Variants in PIK3C2G observed in about 807,000 individuals in gnomAD.
PIK3C2G encodes the protein phosphatidylinositol 3-kinase C2 domain-containing subunit gamma.
Under a neutral mutation model 181.1 loss-of-function variants are expected in PIK3C2G, and 168 were observed. The ratio of observed to expected loss-of-function variants is 0.93; its 90% confidence interval spans 0.82 to 1.05. PIK3C2G has a LOEUF of 1.05. PIK3C2G is among the 50% of genes least tolerant of loss of function. The pLI, the probability that PIK3C2G is intolerant of heterozygous loss-of-function variation, is 0.00. For synonymous variants in PIK3C2G, 573 were observed against 592.2 expected (o/e 0.97, Z 0.47); for missense variants, 1,869 against 1,732.8 (o/e 1.08, Z -1.40).
chr12:18,307,393 T>G (rs1437292258), intron 5 of PIK3C2G, among the ~76,000 whole-genome samples: 1 of 151,862 alleles, frequency 6.6e-6, no homozygotes, highest in African/African-American at 2.4e-5. Context: ...CTAAACTTTT[T>G]ATTGTATCAC....
the PIK3C2G span, among the ~76,000 whole-genome samples, chr12:18,706,119 G>C: frequency 6.6e-6 from 1 of 151,728 alleles, no homozygotes; most frequent in African/African-American, 2.4e-5. Flanking sequence ...TGTAATCCCA[G>C]TTACCTGGGA....
At chr12:18,326,714 C>G (rs1292102507) in intron 8 of PIK3C2G, among the ~76,000 whole-genome samples, 2 of 151,962 alleles carry the variant, frequency 1.3e-5, no homozygotes, top group Admixed American at 6.6e-5. Flanking sequence ...TTGGTTAGTA[C>G]CTCTAATCAG....
intron 8 of PIK3C2G, among the ~76,000 whole-genome samples, chr12:18,326,354 C>T (rs991303329): frequency 3.3e-5 from 5 of 152,140 alleles, no homozygotes; most frequent in Non-Finnish European, 5.9e-5. Flanking sequence ...AGTCAGGGAA[C>T]ATTTTTTAAA....
At chr12:18,386,774 T>C (rs765789405) in intron 14 of PIK3C2G, among the ~76,000 whole-genome samples, 52 of 152,252 alleles carry the variant, frequency 3.4e-4, no homozygotes, top group Non-Finnish European at 4.7e-4. Context: ...ATTGCTGTTA[T>C]GAACATGTAT....
the PIK3C2G span, among the ~76,000 whole-genome samples, chr12:18,715,056 A>G: frequency 6.6e-6 from 1 of 151,368 alleles, no homozygotes; most frequent in African/African-American, 2.4e-5. Flanking sequence ...CTTTCTAGGG[A>G]GATGACCCAA....
At chr12:18,676,843 A>G in the PIK3C2G span, among the ~76,000 whole-genome samples, 1 of 152,138 alleles carries the variant, frequency 6.6e-6, no homozygotes, top group Non-Finnish European at 1.5e-5. Flanking sequence ...AAACACACAT[A>G]TAAGATTGAT....
chr12:18,399,681 T>C lies in PIK3C2G; in HGVS notation c.2149T>C (p.Tyr717His), dbSNP rs200263951. 600 of 1,572,392 alleles carry C rather than the reference T, an allele frequency of 3.8e-4. 2 individuals carry two copies. Among genetic ancestry groups the C allele is most frequent in the Middle Eastern group, 1.9e-3 (11 of 5,860 alleles). The change falls in exon 16 of 33, where the codon TAT becomes CAT. Residue 717 changes from tyrosine to histidine, a missense_variant. Coordinates refer to ENST00000538779, the MANE Select transcript of PIK3C2G (RefSeq NM_001288772.2). ...CAGACTCTCTGAAGAAAAGAAAAGATATTTATGGTTTTATCGCTTCTACTG... is the reference window on the plus strand; with the variant it reads ...CAGACTCTCTGAAGAAAAGAAAAGACATTTATGGTTTTATCGCTTCTACTG... The part of the protein sequence containing the change: ...PLLLSEEKKR[Y>H]LWFYRFYCNN...
chr12:18,362,246 G>A (rs1941303747), intron 11 of PIK3C2G, among the ~76,000 whole-genome samples: 2 of 152,114 alleles, frequency 1.3e-5, no homozygotes, highest in Non-Finnish European at 2.9e-5. Flanking sequence ...CTAAACTGGT[G>A]ACATTTCCTG....
At chr12:18,577,415 T>C (rs1233724502) in intron 29 of PIK3C2G, among the ~76,000 whole-genome samples, 1 of 152,178 alleles carries the variant, frequency 6.6e-6, no homozygotes, top group African/African-American at 2.4e-5. Context: ...AGGAGAGATG[T>C]TTTCGTCTTG....
chr12:18,284,379 A>G (rs1022888040), intron 2 of PIK3C2G, among the ~76,000 whole-genome samples: 2 of 152,200 alleles, frequency 1.3e-5, no homozygotes, highest in South Asian at 2.1e-4. Context: ...CATAAGGCAA[A>G]TAAGACAAGG....
intron 26 of PIK3C2G, among the ~76,000 whole-genome samples, chr12:18,559,815 TATATATAGAGAGAGAGAG>T (rs1451981774): frequency 1.1e-3 from 27 of 24,472 alleles, no homozygotes; most frequent in African/African-American, 2.3e-3. Flanking sequence ...TATATATATA[TATATATAGAGAGAGAGAG>T]AGAGAGAGAG....
the PIK3C2G span, among the ~76,000 whole-genome samples, chr12:18,667,763 T>G: frequency 2.0e-5 from 3 of 152,308 alleles, no homozygotes; most frequent in Non-Finnish European, 4.4e-5. Context: ...TGAAACTCTA[T>G]AAAGTTAAGA....
chr12:18,599,831 A>C (rs892525839), intron 30 of PIK3C2G, among the ~76,000 whole-genome samples: 2 of 152,008 alleles, frequency 1.3e-5, no homozygotes, highest in African/African-American at 4.8e-5. Flanking sequence ...AGAGGAATTT[A>C]GGCTAAAAAG....
the PIK3C2G span, among the ~76,000 whole-genome samples, chr12:18,655,490 G>T: frequency 6.6e-6 from 1 of 152,146 alleles, no homozygotes; most frequent in Non-Finnish European, 1.5e-5. Context: ...CCTGATAAAA[G>T]GTAGAACATA....
intron 26 of PIK3C2G, among the ~76,000 whole-genome samples, chr12:18,554,521 C>CTCT (rs148072680): frequency 0.045 from 6,790 of 152,050 alleles, 337 homozygotes; most frequent in African/African-American, 0.13. Flanking sequence ...TCATCATGTG[C>CTCT]TTTTTCCATG....
the PIK3C2G span, among the ~76,000 whole-genome samples, chr12:18,685,892 TAA>T: frequency 0.27 from 40,860 of 150,774 alleles, 6,236 homozygotes; most frequent in East Asian, 0.54. Flanking sequence ...GGATTAATTA[TAA>T]GAGAAAGCCC....
At chr12:18,298,408 C>CTTTTTT (rs71061295) in intron 5 of PIK3C2G, among the ~76,000 whole-genome samples, 132 of 138,410 alleles carry the variant, frequency 9.5e-4, no homozygotes, top group African/African-American at 3.4e-3. Context: ...TGTGTTTTTT[C>CTTTTTT]TTTTTTTTTT....
chr12:18,317,360 G>A (rs1163620459), intron 6 of PIK3C2G, among the ~76,000 whole-genome samples: 1 of 151,810 alleles, frequency 6.6e-6, no homozygotes, highest in Non-Finnish European at 1.5e-5. Flanking sequence ...ATTTCAAAGG[G>A]GAAGATATTA....
intron 10 of PIK3C2G, among the ~76,000 whole-genome samples, chr12:18,345,372 T>A (rs1565619885): frequency 6.6e-6 from 1 of 152,166 alleles, no homozygotes; most frequent in African/African-American, 2.4e-5. Flanking sequence ...CCAGACTGTT[T>A]CAACAGAGGG....
Sources: allele counts gnomAD v4.1 joint callset (sites outside exome capture counted in the v4.1 genomes callset), GRCh38; gene constraint gnomAD v4.1.1; transcripts MANE v1.5; gene names NCBI Gene and HGNC (gene_info 2026-07-23, HGNC 2026-07-21).